The following SBNO2 variants were observed in gnomAD, a reference collection of about 807,000 sequenced individuals.
SBNO2 encodes strawberry notch homolog 2.
In SBNO2, 89 loss-of-function variants were observed where a neutral mutation model predicts 146.3. That is an observed-to-expected ratio of 0.61 (90% CI 0.51 to 0.73). SBNO2 has a LOEUF of 0.73. Among genes scored for constraint, SBNO2 ranks in the 30% least tolerant of loss-of-function variants. SBNO2 has a pLI of 0.00. For synonymous variants in SBNO2, 1,147 were observed against 892.6 expected (o/e 1.29, Z -5.08); for missense variants, 2,092 against 2,003.7 (o/e 1.04, Z -0.84).
chr19:1,117,303 CG>C lies in SBNO2; in HGVS notation c.1704+19del, dbSNP rs762994340. On this transcript the variant is annotated intron_variant, in intron 15 of 31. Transcript: ENST00000361757. ...TGCAGGCCCGGCCGCCCTCAGCCCT[CG>C]AAGGCCGCAGCCGCTCACCTTGTCT... 6.5e-7 allele frequency: 1 copy of C among 1,548,716 alleles called. No homozygotes were observed. The highest frequency in any genetic ancestry group is 2.0e-5 in the Admixed American group (1 of 50,972).
chr19:1,127,591 C>CG lies in SBNO2; in HGVS notation c.441+12dup. ...GTGGGTCGGGGCTGGCTGGGGGCAC[C>CG]GGGCGCACTGACCTTATCGTGGGTG... On this transcript the variant is annotated intron_variant, in intron 5 of 31. Coordinates refer to ENST00000361757, the MANE Select transcript of SBNO2 (RefSeq NM_014963.3). 1.2e-6 allele frequency: 2 copies of CG among 1,609,326 alleles called. No individual in the cohort carries two copies. Among genetic ancestry groups the CG allele is most frequent in the African/African-American group, 1.3e-5 (1 of 74,952 alleles).
chr19:1,110,771 T>C lies in SBNO2; in HGVS notation c.3002A>G (p.Glu1001Gly), dbSNP rs762180117. ...CAGGATGCCCATGTCGTATTTGCCC[T>C]CCCGCTTGTCCATCTCGATGAGGTG... ...FDHLIEMDKREGKYDMGILDL... is the reference protein window; with the variant it reads ...FDHLIEMDKRGGKYDMGILDL... The change falls in exon 26 of 32, where the codon GAG (glutamate) becomes GGG (glycine). Residue 1001 changes from glutamate (E) to glycine (G), a missense_variant. Physicochemically the swap from Glu to Gly is moderately conservative, Grantham distance 98 (BLOSUM62 -2). Transcript: ENST00000361757. This position sits in a 1 kb window ranked among gnomAD's most constrained non-coding sequence, Gnocchi z 4.9. The C allele has an allele frequency of 6.2e-7, 1 of 1,613,188 alleles. No individual in the cohort carries two copies. The highest frequency in any genetic ancestry group is 1.1e-5 in the South Asian group (1 of 91,076).
At chr19:1,139,592 T>A (rs2080116568) in intron 4 of SBNO2, among the ~76,000 whole-genome samples, 1 of 152,000 alleles carries the variant, frequency 6.6e-6, no homozygotes. Flanking sequence ...ATCACGAGTT[T>A]GAGACCACCC....
intron 1 of SBNO2, among the ~76,000 whole-genome samples, chr19:1,165,616 C>A (rs993385846): frequency 6.9e-6 from 1 of 144,754 alleles, no homozygotes; most frequent in East Asian, 2.0e-4. Flanking sequence ...ATCCCAGATC[C>A]CAGATCTCAG....
At chr19:1,164,542 G>GAAC (rs2080386053) in intron 1 of SBNO2, among the ~76,000 whole-genome samples, 4 of 118,678 alleles carry the variant, frequency 3.4e-5, no homozygotes, top group Admixed American at 8.4e-5. Flanking sequence ...GGAGGAGGAG[G>GAAC]AGGAGGAGGA....
At chr19:1,117,283 G>T in intron 15 of SBNO2, 40 bp downstream of exon 15, 2 of 1,527,192 alleles carry the variant, frequency 1.3e-6, no homozygotes, top group Non-Finnish European at 1.8e-6. Flanking sequence ...GCCCCTGCAG[G>T]CCCGGCCGCC....
chr19:1,123,737 T>A (rs2079932950), intron 6 of SBNO2, 98 bp from the exon 7 acceptor site: 1 of 1,274,012 alleles, frequency 7.8e-7, no homozygotes, highest in Admixed American at 2.1e-5. Flanking sequence ...CATGGGCAGC[T>A]GAGTGACCCA....
chr19:1,123,479 G>T, intron 7 of SBNO2, 55 bp downstream of exon 7: 1 of 1,487,478 alleles, frequency 6.7e-7, no homozygotes, highest in Non-Finnish European at 9.4e-7. Context: ...CAGGGTCTCG[G>T]TCCCACAAAA....
intron 2 of SBNO2, 139 bp from the exon 3 acceptor site, chr19:1,149,581 C>G (rs2080224173): frequency 1.4e-6 from 1 of 722,678 alleles, no homozygotes; most frequent in Non-Finnish European, 2.3e-6. Context: ...CTGCTGGTAT[C>G]TCCTGGGGAG....
chr19:1,112,104 G>A lies in SBNO2; in HGVS notation c.2629-37C>T, dbSNP rs377519676. The A allele has an allele frequency of 9.9e-6, 16 of 1,610,460 alleles. No individual in the cohort carries two copies. The African/African-American group carries it at 1.1e-4, about 11-fold the overall frequency. On this transcript the variant is annotated intron_variant, in intron 22 of 31. Coordinates refer to ENST00000361757, the MANE Select transcript of SBNO2 (RefSeq NM_014963.3). This position sits in a 1 kb window ranked among gnomAD's most constrained non-coding sequence, Gnocchi z 5.9. ...GGGGAGGCCATCAGTTGGTCACCTG[G>A]GGTCTGGCCTCTAGCACCCCACAAA...
chr19:1,109,399 G>A lies in SBNO2; in HGVS notation c.3241C>T (p.Leu1081=). 1.3e-6 allele frequency: 2 copies of A among 1,569,098 alleles called. No individual in the cohort carries two copies. The highest frequency in any genetic ancestry group is 1.7e-6 in the Non-Finnish European group (2 of 1,158,038). ...YKVRGNKPSC[L]LAEQNRGQFF... is the part of the protein sequence containing the mutation. Reference sequence around the variant, plus strand: ...TGGCCGCGGTTCTGCTCCGCCAGCAGGCAGCTGGGCTTGTTACCGCGGACC... The same window carrying A: ...TGGCCGCGGTTCTGCTCCGCCAGCAAGCAGCTGGGCTTGTTACCGCGGACC... Residue 1081 remains leucine (L), a synonymous_variant, in exon 29 of 32, where the codon CTG becomes TTG. Transcript: ENST00000361757. The surrounding 1 kb of genome is among the most constrained non-coding windows in gnomAD (Gnocchi z 4.2).
intron 2 of SBNO2, among the ~76,000 whole-genome samples, chr19:1,152,602 A>G (rs969758345): frequency 7.3e-6 from 1 of 137,610 alleles, no homozygotes; most frequent in African/African-American, 2.5e-5. Flanking sequence ...GGAGGGGGAC[A>G]GGAGGGGTCT....
chr19:1,122,641 C>T lies in SBNO2; in HGVS notation c.914+17G>A, dbSNP rs1373756620. 3 of 1,529,650 alleles carry T rather than the reference C, an allele frequency of 2.0e-6. No homozygotes were observed. Among genetic ancestry groups the T allele is most frequent in the East Asian group, 2.5e-5 (1 of 40,686 alleles). The allele number at this position is 1,529,650 out of a possible 1,614,324, so 94.8% of individuals were successfully genotyped here. On this transcript the variant is annotated intron_variant, in intron 9 of 31. Transcript: ENST00000361757. The stretch of plus-strand genomic sequence containing the variant: ...CCCCACCCCCGCTCCCGCCCCCTGC[C>T]CCAGGCAGGGCCTCACCACAATGCT...
rs1183468472 is a variant in SBNO2, at chr19:1,158,205, G to C, written c.-126-3803C>G. The stretch of plus-strand genomic sequence containing the variant: ...GGCCACTGTGCGGACCCTCCCCCTG[G>C]GGGTCCCTGAGCACCTGTCGTGTGG... On this transcript the variant is annotated intron_variant, in intron 1 of 31. Transcript: ENST00000361757. The surrounding 1 kb of genome is among the most constrained non-coding windows in gnomAD (Gnocchi z 9.9). 6.6e-6 allele frequency among the ~76,000 whole-genome samples: 1 copy of C among 152,186 alleles called. No individual in the cohort carries two copies. Among genetic ancestry groups the C allele is most frequent in the Non-Finnish European group, 1.5e-5 (1 of 68,026 alleles).
chr19:1,170,683 G>A (rs939912468), intron 1 of SBNO2, among the ~76,000 whole-genome samples: 8 of 151,768 alleles, frequency 5.3e-5, no homozygotes, highest in African/African-American at 9.7e-5. Context: ...CAAAACACAC[G>A]TGCACAAGAC....
rs1047375611 is a variant in SBNO2 at position 1,112,779 on chromosome 19, G to C, written c.2379+39C>G. 1.3e-6 allele frequency: 2 copies of C among 1,531,058 alleles called. No homozygotes were observed. The highest frequency in any genetic ancestry group is 1.8e-6 in the Non-Finnish European group (2 of 1,137,360). 94.8% of individuals were successfully genotyped at this position (1,531,058 alleles called of 1,614,324 possible). Reference sequence around the variant, plus strand: ...CCCTTGGGCCCCTCTGTGCCTCTTGGGTCCCGTGGGCCGCGCCCAGTGCAC... The same window carrying C: ...CCCTTGGGCCCCTCTGTGCCTCTTGCGTCCCGTGGGCCGCGCCCAGTGCAC... On this transcript the variant is annotated intron_variant, in intron 20 of 31. Transcript: ENST00000361757. This position sits in a 1 kb window ranked among gnomAD's most constrained non-coding sequence, Gnocchi z 5.9.
intron 3 of SBNO2, among the ~76,000 whole-genome samples, chr19:1,147,826 G>A (rs1254852809): frequency 6.6e-6 from 1 of 152,058 alleles, no homozygotes; most frequent in Non-Finnish European, 1.5e-5. Context: ...CTCGAAGGAG[G>A]AGAGCGCTAC....
chr19:1,119,872 G>A (rs565721191), intron 12 of SBNO2, 34 bp downstream of exon 12: 2 of 1,465,882 alleles, frequency 1.4e-6, no homozygotes, highest in African/African-American at 1.4e-5. Context: ...AGACGCTGCT[G>A]CGGGTGGGTC....
intron 5 of SBNO2, 50 bp downstream of exon 5, chr19:1,127,554 G>T: frequency 6.3e-7 from 1 of 1,577,358 alleles, no homozygotes; most frequent in Non-Finnish European, 8.7e-7. Context: ...CCGGGCTGGG[G>T]AGGCCACGCT....
Sources: gnomAD v4.1 joint callset for allele counts (sites outside exome capture counted in the v4.1 genomes callset) on GRCh38, gnomAD v4.1.1 for gene constraint, Gnocchi (gnomAD v3.1) non-coding constraint, MANE v1.5 for transcripts, NCBI Gene and HGNC (gene_info 2026-07-23, HGNC 2026-07-21) for gene names.